The following TPRG1 variants were observed in gnomAD, a reference collection of about 807,000 sequenced individuals.
TPRG1 encodes tumor protein p63 regulated 1.
TPRG1 carries 29 observed loss-of-function variants against 29.3 expected under a neutral mutation model. The observed-to-expected ratio is 0.99, with a 90% CI of 0.74 to 1.35. TPRG1 has a LOEUF of 1.35. Among genes scored for constraint, TPRG1 ranks in the 40% most tolerant of loss-of-function variants. TPRG1 has a pLI of 0.00. For synonymous variants in TPRG1, 130 were observed against 116.8 expected (o/e 1.11, Z -0.73); for missense variants, 327 against 335.0 (o/e 0.98, Z 0.19).
At chr3:189,022,914 G>C (rs916305990) in intron 3 of TPRG1, among the ~76,000 whole-genome samples, 3 of 152,220 alleles carry the variant, frequency 2.0e-5, no homozygotes, top group African/African-American at 4.8e-5. Flanking sequence ...GCCAGGTGCC[G>C]GATATAATCT....
Position 188,999,589 on chromosome 3 carries a change from G to A in TPRG1, c.-1015-1185G>A, listed in dbSNP as rs980772963. 2.6e-4 allele frequency among the ~76,000 whole-genome samples: 40 copies of A among 152,038 alleles called. 1 individual carries two copies. The highest frequency in any genetic ancestry group is 1.3e-4 in the Admixed American group (2 of 15,262). On this transcript the variant is annotated intron_variant, in intron 1 of 10. Transcript: ENST00000433971. ...TTATTTGCCCTTTTTTTCTTATGAGGAGAATAAGTAATACACACTTCATAG... is the reference window on the plus strand; with the variant it reads ...TTATTTGCCCTTTTTTTCTTATGAGAAGAATAAGTAATACACACTTCATAG...
At chr3:189,077,953 A>T (rs958331162) in intron 4 of TPRG1, among the ~76,000 whole-genome samples, 1 of 152,014 alleles carries the variant, frequency 6.6e-6, no homozygotes, top group African/African-American at 2.4e-5. Context: ...CCATTTACCA[A>T]TTACTGTGCT....
chr3:189,082,801 C>G (rs1486504003), intron 4 of TPRG1, among the ~76,000 whole-genome samples: 1 of 152,156 alleles, frequency 6.6e-6, no homozygotes, highest in African/African-American at 2.4e-5. Context: ...CAATTGATTC[C>G]AAGCATAGCG....
At chr3:189,100,491 GTA>G (rs1188962095) in intron 1 of TPRG1, among the ~76,000 whole-genome samples, 1 of 152,140 alleles carries the variant, frequency 6.6e-6, no homozygotes, top group Non-Finnish European at 1.5e-5. Context: ...CTTGGTTCTA[GTA>G]TATGTCTCTA....
chr3:189,320,566 G>C (rs1724201395), intron 5 of TPRG1, 60 bp from the exon 6 acceptor site: 1 of 1,444,404 alleles, frequency 6.9e-7, no homozygotes, highest in African/African-American at 1.4e-5. Flanking sequence ...CTGGGGAGAT[G>C]AGTATCTCTC....
At chr3:189,193,836 C>T (rs142859732) in intron 1 of TPRG1, among the ~76,000 whole-genome samples, 10 of 149,372 alleles carry the variant, frequency 6.7e-5, no homozygotes, top group African/African-American at 1.7e-4. Flanking sequence ...ATCGTCTGTC[C>T]GTATGTTTTT....
intron 4 of TPRG1, among the ~76,000 whole-genome samples, chr3:189,242,651 T>C (rs925841969): frequency 6.6e-6 from 1 of 152,100 alleles, no homozygotes; most frequent in African/African-American, 2.4e-5. Flanking sequence ...TTGGAAAATG[T>C]TCCCTCCTCT....
chr3:189,262,796 C>T (rs879527162), intron 4 of TPRG1, among the ~76,000 whole-genome samples: 3 of 152,192 alleles, frequency 2.0e-5, no homozygotes, highest in Non-Finnish European at 4.4e-5. Flanking sequence ...CTGGGGGATG[C>T]TGTGGCATCT....
intron 1 of TPRG1, among the ~76,000 whole-genome samples, chr3:189,203,816 T>A (rs980263135): frequency 6.6e-6 from 1 of 151,608 alleles, no homozygotes; most frequent in Non-Finnish European, 1.5e-5. Flanking sequence ...CTGAGGCGGG[T>A]GGATCACGAG....
chr3:189,060,246 G>C (rs1430428188), intron 4 of TPRG1, among the ~76,000 whole-genome samples: 1 of 151,882 alleles, frequency 6.6e-6, no homozygotes, highest in Non-Finnish European at 1.5e-5. Context: ...AACAAACAAA[G>C]AAACAAACAA....
At position 189,204,010 on chromosome 3, in the gene TPRG1, C is replaced by G. The variant is rs984005417; in HGVS notation, c.-9-3366C>G. ...GAGCCTAGATCGTGCCACTGCACTT[C>G]AGCCTGGTGACAGAGCGAGACTGTC... On this transcript the variant is annotated intron_variant, in intron 1 of 5. Coordinates refer to ENST00000345063, the MANE Select transcript of TPRG1 (RefSeq NM_198485.4). Among the ~76,000 whole-genome samples the G allele has an allele frequency of 3.1e-5, 4 of 127,484 alleles. No homozygotes were observed. The East Asian group carries it at 1.0e-3, about 32-fold the overall frequency. 83.6% of individuals were successfully genotyped at this position (127,484 alleles called of 152,430 possible).
chr3:189,054,616 C>T (rs1342154810), intron 4 of TPRG1, among the ~76,000 whole-genome samples: 1 of 151,834 alleles, frequency 6.6e-6, no homozygotes, highest in African/African-American at 2.4e-5. Context: ...CACACACACC[C>T]ACAGATGCAC....
chr3:189,088,439 A>G (rs978925404), intron 4 of TPRG1, among the ~76,000 whole-genome samples: 3 of 152,188 alleles, frequency 2.0e-5, no homozygotes, highest in Non-Finnish European at 2.9e-5. Flanking sequence ...CAATCATGTC[A>G]TCTGCAAACA....
chr3:189,066,046 C>A (rs533711351), intron 4 of TPRG1, among the ~76,000 whole-genome samples: 108 of 152,118 alleles, frequency 7.1e-4, no homozygotes, highest in Non-Finnish European at 1.3e-3. Flanking sequence ...CTATGAGCAA[C>A]TATATGCCAA....
At chr3:189,253,582 G>T (rs1021047530) in intron 4 of TPRG1, among the ~76,000 whole-genome samples, 58 of 152,118 alleles carry the variant, frequency 3.8e-4, no homozygotes, top group African/African-American at 1.4e-3. Flanking sequence ...TGTCTTTATA[G>T]TCAAATGATT....
intron 4 of TPRG1, among the ~76,000 whole-genome samples, chr3:189,262,529 G>T (rs527475813): frequency 3.5e-4 from 53 of 152,204 alleles, no homozygotes; most frequent in African/African-American, 1.3e-3. Flanking sequence ...CAGATTTTCT[G>T]TTCTCATGGA....
intron 4 of TPRG1, among the ~76,000 whole-genome samples, chr3:189,249,307 A>C (rs1305812583): frequency 6.6e-6 from 1 of 151,890 alleles, no homozygotes; most frequent in Non-Finnish European, 1.5e-5. Flanking sequence ...ATAGATGTTG[A>C]ATCTTTAGAT....
intron 3 of TPRG1, among the ~76,000 whole-genome samples, chr3:189,146,654 G>A (rs1725304764): frequency 6.6e-6 from 1 of 152,016 alleles, no homozygotes; most frequent in South Asian, 2.1e-4. Flanking sequence ...GTTCCTTGAG[G>A]GCAGAGACCA....
At position 189,310,547 on chromosome 3, in the gene TPRG1, G is replaced by A. The variant is rs1240338437; in HGVS notation, c.633+8G>A. The A allele has an allele frequency of 1.1e-5, 17 of 1,604,410 alleles. No homozygotes were observed. The highest frequency in any genetic ancestry group is 1.4e-5 in the Non-Finnish European group (16 of 1,175,278). On this transcript the variant is annotated splice_region_variant and intron_variant, in intron 5 of 5. Coordinates refer to ENST00000345063, the MANE Select transcript of TPRG1 (RefSeq NM_198485.4). ...TTCCTTGAAATTTGCAAGGTAGGAGGCATCTTGGGTATTACTCTCAGATTA... is the reference window on the plus strand; with the variant it reads ...TTCCTTGAAATTTGCAAGGTAGGAGACATCTTGGGTATTACTCTCAGATTA...
Sources: allele counts gnomAD v4.1 joint callset (sites outside exome capture counted in the v4.1 genomes callset), GRCh38; gene constraint gnomAD v4.1.1; transcripts MANE v1.5; gene names NCBI Gene and HGNC (gene_info 2026-07-23, HGNC 2026-07-21).